NCKAP5: variants seen among roughly 807,000 people sequenced by gnomAD.
The protein encoded by NCKAP5 is NCK associated protein 5.
NCKAP5 carries 92 observed loss-of-function variants against 167.0 expected under a neutral mutation model. That is an observed-to-expected ratio of 0.55 (90% CI 0.47 to 0.66). The LOEUF is 0.66. NCKAP5 is among the 30% of genes least tolerant of loss of function. The pLI is 0.00. For missense variants in NCKAP5, 2,378 were observed against 2,315.0 expected (o/e 1.03, Z -0.56); for synonymous variants, 891 against 877.4 (o/e 1.02, Z -0.27).
chr2:132,721,201 G>T (rs537657251), intron 19 of NCKAP5, among the ~76,000 whole-genome samples: 23 of 151,818 alleles, frequency 1.5e-4, no homozygotes, highest in African/African-American at 5.3e-4. Context: ...CCAGCTACTC[G>T]GGAGGCTGAG....
the NCKAP5 span, among the ~76,000 whole-genome samples, chr2:133,634,054 A>G: frequency 5.3e-5 from 8 of 152,322 alleles, no homozygotes; most frequent in Non-Finnish European, 8.8e-5. Context: ...TCTTGCCTTA[A>G]TCACTGTGCA....
chr2:133,446,288 T>A (rs1464802166), intron 3 of NCKAP5, among the ~76,000 whole-genome samples: 1 of 152,204 alleles, frequency 6.6e-6, no homozygotes, highest in African/African-American at 2.4e-5. Flanking sequence ...GATTTGTTCA[T>A]GTTATAAATA....
At chr2:133,063,977 T>C (rs1250847391) in intron 6 of NCKAP5, among the ~76,000 whole-genome samples, 1 of 152,200 alleles carries the variant, frequency 6.6e-6, no homozygotes, top group Non-Finnish European at 1.5e-5. Flanking sequence ...CTGTCCATGG[T>C]GCTGCAACCC....
chr2:132,940,480 T>A (rs941243456), intron 8 of NCKAP5, among the ~76,000 whole-genome samples: 7 of 152,182 alleles, frequency 4.6e-5, no homozygotes, highest in Non-Finnish European at 8.8e-5. Context: ...TTATGACCTG[T>A]AAATCCTTGT....
At chr2:133,055,530 A>T (rs1017820602) in intron 6 of NCKAP5, among the ~76,000 whole-genome samples, 1 of 150,188 alleles carries the variant, frequency 6.7e-6, no homozygotes, top group Non-Finnish European at 1.5e-5. Flanking sequence ...ATATGAAAGA[A>T]CTAATACCAG....
At chr2:133,009,091 T>A (rs2078066527) in intron 6 of NCKAP5, among the ~76,000 whole-genome samples, 1 of 152,152 alleles carries the variant, frequency 6.6e-6, no homozygotes, top group South Asian at 2.1e-4. Flanking sequence ...TGAGGACTCT[T>A]GCTAAAAGTC....
chr2:133,572,546 C>T (rs569940650), upstream of NCKAP5, among the ~76,000 whole-genome samples: 2 of 152,272 alleles, frequency 1.3e-5, no homozygotes, highest in South Asian at 2.1e-4. Flanking sequence ...GAGAAAATAT[C>T]GGCGGTGGGG....
In NCKAP5 at chr2:133,471,320, T is replaced by C. The variant is rs544849502; in HGVS notation, c.69+46138A>G. ...CTCATATGCACTTTTTTAGACTGTATTGGATTTTATAAAACCTTAAAATTG... is the reference window on the plus strand; with the variant it reads ...CTCATATGCACTTTTTTAGACTGTACTGGATTTTATAAAACCTTAAAATTG... On this transcript the variant is annotated intron_variant, in intron 3 of 19. Transcript: ENST00000409261. 8.5e-5 allele frequency among the ~76,000 whole-genome samples: 13 copies of C among 152,314 alleles called. No individual in the cohort carries two copies. The South Asian group carries it at 1.0e-3, about 12-fold the overall frequency.
intron 16 of NCKAP5, among the ~76,000 whole-genome samples, chr2:132,770,848 C>T (rs1231386886): frequency 6.6e-6 from 1 of 152,132 alleles, no homozygotes; most frequent in African/African-American, 2.4e-5. Flanking sequence ...CTGAAAAATT[C>T]CTATTGCCTA....
chr2:133,593,120 T>C, the NCKAP5 span, among the ~76,000 whole-genome samples: 1 of 152,218 alleles, frequency 6.6e-6, no homozygotes. Flanking sequence ...TTTAAATAGA[T>C]TATCTCCTAA....
chr2:133,374,091 A>C (rs1215344577), intron 3 of NCKAP5, among the ~76,000 whole-genome samples: 2 of 152,244 alleles, frequency 1.3e-5, no homozygotes, highest in African/African-American at 2.4e-5. Context: ...CATAATTGCC[A>C]AAACTTGGAA....
rs144319166 is a variant in NCKAP5 at position 133,438,037 on chromosome 2, G to T, written c.69+79421C>A. Among the ~76,000 whole-genome samples, 442 of 152,310 alleles carry T rather than the reference G, an allele frequency of 2.9e-3. 3 individuals are homozygous for T. Among genetic ancestry groups the T allele is most frequent in the African/African-American group, 0.01 (430 of 41,564 alleles). ...TTGGGATTGTAGAGATTCCAACCCA[G>T]TTCCCCCTTGGGATTTTTGTAACTT... On this transcript the variant is annotated intron_variant, in intron 3 of 19. Transcript: ENST00000409261.
intron 5 of NCKAP5, among the ~76,000 whole-genome samples, chr2:133,186,243 G>C (rs886537823): frequency 1.3e-5 from 2 of 151,942 alleles, no homozygotes; most frequent in Non-Finnish European, 2.9e-5. Context: ...TTGTTTTTAT[G>C]TGATGAATCA....
Position 133,200,496 on chromosome 2 carries a change from T to C in NCKAP5, c.207+13220A>G, listed in dbSNP as rs149802869. On this transcript the variant is annotated intron_variant, in intron 5 of 19. Transcript: ENST00000409261. ...ATTCAAAAAAGACCACAGACTTCAATGTAAGGAAGGGCTAAAACTATAAAA... is the reference window on the plus strand; with the variant it reads ...ATTCAAAAAAGACCACAGACTTCAACGTAAGGAAGGGCTAAAACTATAAAA... Among the ~76,000 whole-genome samples, 469 of 152,226 alleles carry C rather than the reference T, an allele frequency of 3.1e-3. 1 individual carries two copies. Among genetic ancestry groups the C allele is most frequent in the South Asian group, 5.0e-3 (24 of 4,824 alleles).
intron 16 of NCKAP5, among the ~76,000 whole-genome samples, chr2:132,745,986 G>A (rs969603421): frequency 2.0e-5 from 3 of 151,706 alleles, no homozygotes; most frequent in South Asian, 2.1e-4. Context: ...AAAATTGTTC[G>A]GATATCAATT....
chr2:132,874,103 ATTTTTT>A (rs4057987), intron 9 of NCKAP5, among the ~76,000 whole-genome samples: 4 of 113,176 alleles, frequency 3.5e-5, no homozygotes, highest in Admixed American at 1.0e-4. Flanking sequence ...CAAGACCTTG[ATTTTTT>A]TTTTTTTTTT....
chr2:133,518,824 G>A (rs894599419), intron 2 of NCKAP5, among the ~76,000 whole-genome samples: 3 of 152,084 alleles, frequency 2.0e-5, no homozygotes, highest in Non-Finnish European at 4.4e-5. Context: ...ATTACCCACA[G>A]ATTACATTTA....
At chr2:133,116,421 G>A (rs1330786617) in intron 6 of NCKAP5, among the ~76,000 whole-genome samples, 1 of 85,142 alleles carries the variant, frequency 1.2e-5, no homozygotes, top group African/African-American at 6.3e-5. Context: ...CCGGGAGGCG[G>A]AGCTTGCAGT....
intron 6 of NCKAP5, among the ~76,000 whole-genome samples, chr2:133,033,850 T>A (rs376165130): frequency 6.6e-6 from 1 of 151,552 alleles, no homozygotes. Flanking sequence ...AAAAAAACAA[T>A]GAACCAGACC....
Sources: allele counts gnomAD v4.1 joint callset (sites outside exome capture counted in the v4.1 genomes callset), GRCh38; gene constraint gnomAD v4.1.1; transcripts MANE v1.5; gene names NCBI Gene and HGNC (gene_info 2026-07-23, HGNC 2026-07-21).